ERN1: variants seen among roughly 807,000 people sequenced by gnomAD.
ERN1 encodes serine/threonine-protein kinase/endoribonuclease IRE1.
Under a neutral mutation model 113.1 loss-of-function variants are expected in ERN1, and 39 were observed. The ratio of observed to expected loss-of-function variants is 0.34; its 90% CI spans 0.27 to 0.45. ERN1 has a LOEUF of 0.45. Ranked by LOEUF, ERN1 falls within the 20% of genes least tolerant of loss-of-function variation. The probability of loss-of-function intolerance (pLI) is 1.00; values close to 1 mark genes in which losing one functional copy is unlikely to be tolerated. For missense variants in ERN1, 976 were observed against 1,274.8 expected (o/e 0.77, Z 3.57); for synonymous variants, 507 against 515.9 (o/e 0.98, Z 0.23).
chr17:64,108,143 C>T (rs919337868), intron 1 of ERN1, among the ~76,000 whole-genome samples: 9 of 151,940 alleles, frequency 5.9e-5, no homozygotes, highest in Admixed American at 5.2e-4. Flanking sequence ...AATTAACCAC[C>T]ACCCAAGACA....
chr17:64,049,264 A>C lies in ERN1; in HGVS notation c.2254-62T>G, dbSNP rs1159272254. 6.9e-7 allele frequency: 1 copy of C among 1,458,908 alleles called. No homozygotes were observed. The highest frequency in any genetic ancestry group is 2.4e-5 in the East Asian group (1 of 41,352). The allele number at this position is 1,458,908 out of a possible 1,614,324, so 90.4% of individuals were successfully genotyped here. A position where few individuals can be genotyped will look rare whatever the true frequency, so the allele number is the denominator to read the frequency against. The stretch of plus-strand genomic sequence containing the variant: ...AGAGTTTTCATCCTCACTCACAGTC[A>C]GGGAGGGAGGAGCATTGCTGCTGCT... On this transcript the variant is annotated intron_variant, in intron 17 of 21. Transcript: ENST00000433197. The surrounding 1 kb of genome is among the most constrained non-coding windows in gnomAD (Gnocchi z 4.7).
At chr17:64,118,038 T>C (rs1457856225) in intron 1 of ERN1, among the ~76,000 whole-genome samples, 1 of 152,194 alleles carries the variant, frequency 6.6e-6, no homozygotes, top group Non-Finnish European at 1.5e-5. Context: ...GCTAGGAAGC[T>C]GGGAGGCTCA....
chr17:64,059,067 G>C (rs556887704), intron 11 of ERN1, among the ~76,000 whole-genome samples: 3 of 152,190 alleles, frequency 2.0e-5, no homozygotes, highest in African/African-American at 7.2e-5. Context: ...GCTACCTCTG[G>C]GTGTTAAATT....
At chr17:64,111,855 G>A (rs1364427102) in intron 1 of ERN1, among the ~76,000 whole-genome samples, 1 of 152,056 alleles carries the variant, frequency 6.6e-6, no homozygotes, top group Non-Finnish European at 1.5e-5. Flanking sequence ...TATTAAGGGA[G>A]ACTATTTAAT....
At chr17:64,089,318 CAAAAAAAAAAAAAAA>C (rs34094164) in intron 2 of ERN1, among the ~76,000 whole-genome samples, 1 of 24,236 alleles carries the variant, frequency 4.1e-5, no homozygotes, top group Non-Finnish European at 1.1e-4. Flanking sequence ...GAATCCATCT[CAAAAAAAAAAAAAAA>C]AAAAAAAAAA....
intron 10 of ERN1, among the ~76,000 whole-genome samples, chr17:64,060,821 G>C (rs778120941): frequency 1.7e-4 from 26 of 152,344 alleles, no homozygotes; most frequent in Admixed American, 2.6e-4. Flanking sequence ...GAGTGAAGAA[G>C]TATCCTTGCA....
chr17:64,070,416 C>G (rs1267674840), intron 6 of ERN1, among the ~76,000 whole-genome samples: 2 of 152,190 alleles, frequency 1.3e-5, no homozygotes, highest in African/African-American at 4.8e-5. Flanking sequence ...CCTTCGAACA[C>G]CACAATTTCA....
chr17:64,112,441 T>C (rs1914698584), intron 1 of ERN1, among the ~76,000 whole-genome samples: 1 of 152,038 alleles, frequency 6.6e-6, no homozygotes, highest in Non-Finnish European at 1.5e-5. Context: ...AACATTACTA[T>C]ATTTTAAGTT....
At chr17:64,066,159 G>GT (rs758951365) in intron 8 of ERN1, among the ~76,000 whole-genome samples, 1 of 152,050 alleles carries the variant, frequency 6.6e-6, no homozygotes, top group Non-Finnish European at 1.5e-5. Context: ...CACACACACT[G>GT]TAACTATTTT....
chr17:64,089,318 CAAAAAAAAAAA>C (rs34094164), intron 2 of ERN1, among the ~76,000 whole-genome samples: 4,479 of 24,380 alleles, frequency 0.18, 345 homozygotes, highest in African/African-American at 0.36. Flanking sequence ...GAATCCATCT[CAAAAAAAAAAA>C]AAAAAAAAAA....
intron 1 of ERN1, among the ~76,000 whole-genome samples, chr17:64,100,084 G>A (rs981114825): frequency 6.6e-6 from 1 of 152,184 alleles, no homozygotes; most frequent in Non-Finnish European, 1.5e-5. Flanking sequence ...GGATGCAAAG[G>A]TCACTGTTTG....
intron 1 of ERN1, among the ~76,000 whole-genome samples, chr17:64,123,923 T>C (rs753562751): frequency 6.6e-6 from 1 of 152,198 alleles, no homozygotes; most frequent in Non-Finnish European, 1.5e-5. Flanking sequence ...CATAGATCTA[T>C]ATGTTCCAGT....
In ERN1 at chr17:64,045,438, G is replaced by T; in HGVS notation, c.2574C>A (p.Ile858=). The T allele has an allele frequency of 6.2e-7, 1 of 1,613,948 alleles. No individual in the cohort carries two copies. The highest frequency in any genetic ancestry group is 8.5e-7 in the Non-Finnish European group (1 of 1,179,866). The change falls in exon 20 of 22, where the codon ATC becomes ATA. Residue 858 remains isoleucine (I), a synonymous_variant. Transcript: ENST00000433197. ...RIEKESLDGP[I]VKQLERGGRA... is the part of the protein sequence containing the mutation. ...TCCCGCCTCTCTCTAACTGCTTCAC[G>T]ATCGGGCCATCCAGGGATTCCTTTT... is the stretch of plus-strand genomic sequence containing the variant.
At chr17:64,079,333 A>G (rs1347430687) in intron 4 of ERN1, among the ~76,000 whole-genome samples, 1 of 152,198 alleles carries the variant, frequency 6.6e-6, no homozygotes, top group Admixed American at 6.5e-5. Flanking sequence ...ACAGCATTTC[A>G]AACTATATCC....
At chr17:64,072,209 T>G in intron 5 of ERN1, 106 bp from the exon 6 acceptor site, 1 of 1,212,262 alleles carries the variant, frequency 8.2e-7, no homozygotes, top group Non-Finnish European at 1.2e-6. Context: ...GACCTGAATT[T>G]CTTAGGATGT....
chr17:64,097,414 C>T (rs997722792), intron 2 of ERN1, among the ~76,000 whole-genome samples: 1 of 152,140 alleles, frequency 6.6e-6, no homozygotes, highest in Non-Finnish European at 1.5e-5. Flanking sequence ...TGTTCAGACC[C>T]GAACCTCGGG....
chr17:64,056,006 G>T (rs999455306), intron 12 of ERN1, 58 bp from the exon 13 acceptor site: 6 of 1,487,664 alleles, frequency 4.0e-6, no homozygotes, highest in Non-Finnish European at 5.4e-6. Flanking sequence ...GAAACAAGCA[G>T]CTGGGAAGGG....
At chr17:64,069,410 T>C (rs1279743528) in intron 6 of ERN1, among the ~76,000 whole-genome samples, 1 of 151,964 alleles carries the variant, frequency 6.6e-6, no homozygotes, top group African/African-American at 2.4e-5. Context: ...CAAATTTCAA[T>C]GGACAAGGAA....
At chr17:64,067,128 G>A in intron 7 of ERN1, 196 bp from the exon 8 acceptor site, 2 of 621,520 alleles carry the variant, frequency 3.2e-6, no homozygotes, top group Non-Finnish European at 5.5e-6. Context: ...CTGAGAGCTG[G>A]CTGGCGTATA....
Sources: allele counts gnomAD v4.1 joint callset (sites outside exome capture counted in the v4.1 genomes callset), GRCh38; gene constraint gnomAD v4.1.1; non-coding constraint Gnocchi (gnomAD v3.1); transcripts MANE v1.5; gene names NCBI Gene and HGNC (gene_info 2026-07-23, HGNC 2026-07-21).